Variants in DGUOK observed in about 807,000 individuals in gnomAD.
DGUOK encodes deoxyguanosine kinase, mitochondrial.
A neutral mutation model predicts 36.6 loss-of-function variants in DGUOK; 30 were observed. The ratio of observed to expected loss-of-function variants is 0.82; its 90% CI spans 0.61 to 1.11. DGUOK has a LOEUF of 1.11. DGUOK is among the 50% of genes most tolerant of loss of function. The probability of loss-of-function intolerance (pLI) is 0.00; values close to 1 mark genes in which losing one functional copy is unlikely to be tolerated. For missense variants in DGUOK, 361 were observed against 336.4 expected (o/e 1.07, Z -0.57); for synonymous variants, 145 against 126.3 (o/e 1.15, Z -0.99).
At chr2:73,939,107 G>A in intron 2 of DGUOK, 85 bp downstream of exon 2, 4 of 898,370 alleles carry the variant, frequency 4.5e-6, no homozygotes, top group Non-Finnish European at 7.4e-6. Context: ...AGTGAGTAAA[G>A]TAGCCCAGTT....
At chr2:73,937,107 C>T (rs1343287168) in intron 1 of DGUOK, among the ~76,000 whole-genome samples, 1 of 152,222 alleles carries the variant, frequency 6.6e-6, no homozygotes, top group Non-Finnish European at 1.5e-5. Flanking sequence ...GAGAGGCATA[C>T]ACAGGGATCA....
Position 73,958,265 on chromosome 2 carries a change from C to T in DGUOK, c.807+20C>T. On this transcript the variant is annotated intron_variant, in intron 6 of 6. Transcript: ENST00000264093. The stretch of plus-strand genomic sequence containing the variant: ...AGAGAGGTGGGAAGGACTTTAACTC[C>T]TGTTTTCTGGTGGTTTCCTTTGTTG... The T allele has an allele frequency of 6.3e-7, 1 of 1,578,292 alleles. No individual in the cohort carries two copies. Among genetic ancestry groups the T allele is most frequent in the Non-Finnish European group, 8.7e-7 (1 of 1,147,824 alleles).
In DGUOK at chr2:73,950,886, G is replaced by A. The variant is rs76524689; in HGVS notation, c.591+154G>A. On this transcript the variant is annotated intron_variant, in intron 4 of 6. Coordinates refer to ENST00000264093, the MANE Select transcript of DGUOK (RefSeq NM_080916.3). Reference sequence around the variant, plus strand: ...GGGGACACCCTCCTGTCCCAGCGTTGAGCACCCTGTTCCCCACTGGCTTCG... The same window carrying A: ...GGGGACACCCTCCTGTCCCAGCGTTAAGCACCCTGTTCCCCACTGGCTTCG... Among the ~76,000 whole-genome samples, 1,610 of 152,300 alleles carry A rather than the reference G, an allele frequency of 0.011. 37 individuals carry two copies. The highest frequency in any genetic ancestry group is 0.037 in the African/African-American group (1,537 of 41,566).
intron 4 of DGUOK, 116 bp downstream of exon 4, chr2:73,950,848 A>T (rs887710525): frequency 2.8e-5 from 39 of 1,393,524 alleles, no homozygotes; most frequent in Non-Finnish European, 3.8e-5. Context: ...TACCTGCAGC[A>T]CAGAGAGCAG....
chr2:73,938,662 G>A (rs902570037), intron 1 of DGUOK, among the ~76,000 whole-genome samples: 23 of 152,186 alleles, frequency 1.5e-4, no homozygotes, highest in African/African-American at 5.3e-4. Context: ...GGAAGGTTGA[G>A]ACATGGAAAT....
intron 2 of DGUOK, among the ~76,000 whole-genome samples, chr2:73,939,613 G>A (rs905287804): frequency 6.6e-6 from 1 of 152,226 alleles, no homozygotes; most frequent in African/African-American, 2.4e-5. Flanking sequence ...ATCAGTCTGA[G>A]TAAGGAAAGA....
At chr2:73,951,538 C>A (rs902227414) in intron 4 of DGUOK, among the ~76,000 whole-genome samples, 3 of 151,900 alleles carry the variant, frequency 2.0e-5, no homozygotes, top group Non-Finnish European at 4.4e-5. Flanking sequence ...ATACCACATA[C>A]TGTTAGAAGG....
chr2:73,937,538 G>T (rs1011107176), intron 1 of DGUOK, among the ~76,000 whole-genome samples: 3 of 152,170 alleles, frequency 2.0e-5, no homozygotes, highest in African/African-American at 7.2e-5. Context: ...AGAAGGATTT[G>T]GTGGCCACTG....
At chr2:73,938,841 G>A (rs933583000) in intron 1 of DGUOK, 69 bp from the exon 2 acceptor site, 24 of 1,081,270 alleles carry the variant, frequency 2.2e-5, no homozygotes, top group Non-Finnish European at 3.2e-5. Context: ...TTGTGGCAGA[G>A]TTTAGTAGCA....
At chr2:73,934,937 G>T (rs1681343136) in intron 1 of DGUOK, among the ~76,000 whole-genome samples, 1 of 151,976 alleles carries the variant, frequency 6.6e-6, no homozygotes, top group Non-Finnish European at 1.5e-5. Flanking sequence ...GCCGGGCGTG[G>T]TGGCACACAC....
At chr2:73,946,522 A>C (rs1385753346) in intron 2 of DGUOK, among the ~76,000 whole-genome samples, 197 bp from the exon 3 acceptor site, 1 of 152,172 alleles carries the variant, frequency 6.6e-6, no homozygotes, top group Non-Finnish European at 1.5e-5. Context: ...AGGTAGGAAA[A>C]TCTCATACCT....
At chr2:73,930,794 C>T (rs7565288) in intron 1 of DGUOK, among the ~76,000 whole-genome samples, 4,275 of 35,564 alleles carry the variant, frequency 0.12, 726 homozygotes, top group Middle Eastern at 0.22. Context: ...TTTTTTTTTT[C>T]TTTTTTTTTT....
intron 1 of DGUOK, among the ~76,000 whole-genome samples, chr2:73,932,252 T>C (rs1455356078): frequency 6.6e-6 from 1 of 152,188 alleles, no homozygotes; most frequent in Non-Finnish European, 1.5e-5. Context: ...CATCTCCCAC[T>C]ACTCTTCATC....
chr2:73,939,063 G>A, intron 2 of DGUOK, 41 bp downstream of exon 2: 2 of 1,280,972 alleles, frequency 1.6e-6, no homozygotes, highest in African/African-American at 1.5e-5. Flanking sequence ...AGGCATGGGT[G>A]AATAATCTAA....
At chr2:73,933,685 G>C (rs73947452) in intron 1 of DGUOK, among the ~76,000 whole-genome samples, 9,445 of 152,006 alleles carry the variant, frequency 0.062, 467 homozygotes, top group African/African-American at 0.13. Context: ...TAAGCCTGCT[G>C]ACTGATTTTT....
chr2:73,937,398 C>G (rs1681550568), intron 1 of DGUOK, among the ~76,000 whole-genome samples: 1 of 152,106 alleles, frequency 6.6e-6, no homozygotes, highest in South Asian at 2.1e-4. Flanking sequence ...AGTCTGGCCA[C>G]AGTATGGAGC....
At chr2:73,947,090 A>G in intron 3 of DGUOK, 184 bp downstream of exon 3, 1 of 667,350 alleles carries the variant, frequency 1.5e-6, no homozygotes, top group South Asian at 1.7e-5. Context: ...CATCTATGTC[A>G]AGAAAGGAAA....
chr2:73,953,608 G>T (rs1349024226), intron 4 of DGUOK, among the ~76,000 whole-genome samples: 2 of 151,812 alleles, frequency 1.3e-5, no homozygotes, highest in Admixed American at 1.3e-4. Context: ...GTAAAAAGCT[G>T]TGCAAGTGCC....
Position 73,957,217 on chromosome 2 carries a change from C to G in DGUOK, c.684C>G (p.Ala228=), listed in dbSNP as rs1683176274. The G allele has an allele frequency of 6.2e-7, 1 of 1,614,030 alleles. No homozygotes were observed. Among genetic ancestry groups the G allele is most frequent in the Non-Finnish European group, 8.5e-7 (1 of 1,179,944 alleles). The part of the protein sequence containing the change: ...YLEQLHGQHE[A]WLIHKTTKLH... The stretch of plus-strand genomic sequence containing the variant: ...AGCAGCTGCATGGCCAACACGAAGC[C>G]TGGCTTATTCACAAGACAACGAAGT... The change falls in exon 5 of 7, where the codon GCC becomes GCG. Residue 228 remains alanine (A), a synonymous_variant. Coordinates refer to ENST00000264093, the MANE Select transcript of DGUOK (RefSeq NM_080916.3).
Sources: allele counts gnomAD v4.1 joint callset (sites outside exome capture counted in the v4.1 genomes callset), GRCh38; gene constraint gnomAD v4.1.1; transcripts MANE v1.5; gene names NCBI Gene and HGNC (gene_info 2026-07-23, HGNC 2026-07-21).